PDZD4: variants seen among roughly 807,000 people sequenced by gnomAD.
PDZD4 encodes PDZ domain containing 4.
PDZD4 carries 9 observed loss-of-function variants against 38.5 expected under a neutral mutation model. That is an observed-to-expected ratio of 0.23 (90% CI 0.14 to 0.41). The LOEUF is 0.41. PDZD4 is among the 10% of genes least tolerant of loss of function. PDZD4 has a pLI of 1.00. For missense variants in PDZD4, 612 were observed against 722.0 expected (o/e 0.85, Z 1.75); for synonymous variants, 349 against 315.7 (o/e 1.11, Z -1.12).
intron 1 of PDZD4, among the ~76,000 whole-genome samples, chrX:153,823,830 C>G (rs1751260664): frequency 8.9e-6 from 1 of 112,752 alleles, no homozygotes; most frequent in South Asian, 3.6e-4. Flanking sequence ...GTGGGCCATG[C>G]AGCGACTTGC....
In PDZD4 at chrX:153,808,108, G is replaced by A. The variant is rs781915261; in HGVS notation, c.314+234C>T. The A allele has an allele frequency of 4.5e-4, 476 of 1,066,634 alleles. 2 individuals carry two copies. The highest frequency in any genetic ancestry group is 9.3e-5 in the Non-Finnish European group (77 of 827,362). The allele number at this position is 1,066,634 out of a possible 1,213,427, so 87.9% of individuals were successfully genotyped here. A position where few individuals can be genotyped will look rare whatever the true frequency, so the allele number is the denominator to read the frequency against. ...CCTCAACCCTGGCACTTCCGGCAGC[G>A]ACGTCCCGGACAGGAGGGTCCTCCC... is the stretch of plus-strand genomic sequence containing the variant. On this transcript the variant is annotated intron_variant, in intron 2 of 7. Transcript: ENST00000393758.
At chrX:153,810,428 G>A (rs1004735258) in intron 1 of PDZD4, among the ~76,000 whole-genome samples, 37 of 112,452 alleles carry the variant, frequency 3.3e-4, no homozygotes, top group African/African-American at 1.1e-3. Flanking sequence ...CTGGTTTGCA[G>A]TTGGAAGCAA....
chrX:153,817,720 C>A (rs955270320), intron 1 of PDZD4, among the ~76,000 whole-genome samples: 1 of 111,977 alleles, frequency 8.9e-6, no homozygotes, highest in Non-Finnish European at 1.9e-5. Flanking sequence ...CACACAGGAC[C>A]ACAAGGACCA....
At chrX:153,805,252 C>T in intron 6 of PDZD4, 45 bp from the exon 7 acceptor site, 1 of 1,077,697 alleles carries the variant, frequency 9.3e-7, no homozygotes, top group Non-Finnish European at 1.3e-6. Flanking sequence ...AAGGACCTCC[C>T]CATATACCCT....
At chrX:153,805,325 C>A in intron 6 of PDZD4, 118 bp from the exon 7 acceptor site, 1 of 744,443 alleles carries the variant, frequency 1.3e-6, no homozygotes, top group Non-Finnish European at 2.0e-6. Context: ...CTGGGGGCAG[C>A]GTCCCAGCCC....
intron 1 of PDZD4, among the ~76,000 whole-genome samples, chrX:153,817,522 T>G (rs781996219): frequency 9.0e-6 from 1 of 111,322 alleles, no homozygotes; most frequent in Non-Finnish European, 1.9e-5. Context: ...AGACGAATGG[T>G]TGCCAGGACC....
intron 1 of PDZD4, among the ~76,000 whole-genome samples, chrX:153,827,757 G>C (rs1306041820): frequency 9.0e-6 from 1 of 111,609 alleles, no homozygotes; most frequent in Non-Finnish European, 1.9e-5. Context: ...TGATGAAAAC[G>C]TTCTGGAATT....
At chrX:153,809,541 C>T (rs1220110744) in intron 1 of PDZD4, among the ~76,000 whole-genome samples, 7 of 112,389 alleles carry the variant, frequency 6.2e-5, no homozygotes, top group African/African-American at 1.9e-4. Context: ...GAGCCGAGAT[C>T]GCACCACTGT....
At chrX:153,805,260 C>A in intron 6 of PDZD4, 53 bp from the exon 7 acceptor site, 2 of 1,047,802 alleles carry the variant, frequency 1.9e-6, no homozygotes, top group Non-Finnish European at 2.7e-6. Context: ...CCCCATATAC[C>A]CTTCTTGTCT....
rs782409938 is a variant in PDZD4, at chrX:153,808,466, C to G, written c.190G>C (p.Asp64His). ...GTGCCACTGTCCACCAGCTGCAGGTCGTGACAGGAGCTGTCCCCCCGGAGG... is the reference window on the plus strand; with the variant it reads ...GTGCCACTGTCCACCAGCTGCAGGTGGTGACAGGAGCTGTCCCCCCGGAGG... ...PRLRGDSSCH[D>H]LQLVDSGTQT... The change falls in exon 2 of 8, where the codon GAC becomes CAC. Residue 64 changes from aspartate (D) to histidine (H), a missense_variant. Coordinates refer to ENST00000393758, the MANE Select transcript of PDZD4 (RefSeq NM_001303512.2). 8.3e-7 allele frequency: 1 copy of G among 1,211,486 alleles called. No individual in the cohort carries two copies. Among genetic ancestry groups the G allele is most frequent in the East Asian group, 3.0e-5 (1 of 33,836 alleles).
At chrX:153,816,458 G>A (rs1241582022) in intron 1 of PDZD4, among the ~76,000 whole-genome samples, 5 of 109,278 alleles carry the variant, frequency 4.6e-5, no homozygotes, top group Non-Finnish European at 9.6e-5. Flanking sequence ...CTCCCGGGCA[G>A]GCTGGAGATG....
intron 5 of PDZD4, 80 bp from the exon 6 acceptor site, chrX:153,805,686 G>A (rs2064241193): frequency 1.3e-6 from 1 of 783,569 alleles, no homozygotes; most frequent in Non-Finnish European, 1.9e-6. Flanking sequence ...GGGAGCCCAA[G>A]CACTCTGGGC....
chrX:153,804,423 G>C lies in PDZD4; in HGVS notation c.1258C>G (p.Arg420Gly), dbSNP rs782789770. 8.3e-7 allele frequency: 1 copy of C among 1,209,896 alleles called. No individual in the cohort carries two copies. Among genetic ancestry groups the C allele is most frequent in the Admixed American group, 2.2e-5 (1 of 46,114 alleles). The change falls in exon 8 of 8, where the codon CGC (arginine) becomes GGC (glycine). Residue 420 changes from arginine (R) to glycine (G), a missense_variant. Coordinates refer to ENST00000393758, the MANE Select transcript of PDZD4 (RefSeq NM_001303512.2). Reference protein sequence around the residue: ...EELRHLEFKCRNILRAQKMQQ... With the variant: ...EELRHLEFKCGNILRAQKMQQ... The stretch of plus-strand genomic sequence containing the variant: ...ATCTTCTGCGCCCGCAGTATGTTGC[G>C]GCACTTGAATTCCAGGTGCCTTAGC...
chrX:153,808,526 G>A lies in PDZD4; in HGVS notation c.130C>T (p.Pro44Ser), dbSNP rs1557078022. The A allele has an allele frequency of 8.3e-7, 1 of 1,208,506 alleles. No homozygotes were observed. The change falls in exon 2 of 8, where the codon CCC becomes TCC. Residue 44 changes from proline to serine, a missense_variant. Physicochemically the swap from Pro to Ser is moderately conservative, Grantham distance 74. This residue lies in a region of PDZD4 where 225 missense variants were observed against 311.0 expected (regional missense o/e 0.72). Coordinates refer to ENST00000393758, the MANE Select transcript of PDZD4 (RefSeq NM_001303512.2). ...TLQALRSSKEPLVIQVLRRSP... is the reference protein window; with the variant it reads ...TLQALRSSKESLVIQVLRRSP... ...CGTCTCAGCACCTGGATCACCAGGG[G>A]CTCCTTGGAGGAGCGCAGGGCCTGC... is the stretch of plus-strand genomic sequence containing the variant.
intron 4 of PDZD4, 151 bp downstream of exon 4, chrX:153,806,591 G>A (rs2064252035): frequency 2.0e-6 from 1 of 495,615 alleles, no homozygotes; most frequent in Non-Finnish European, 3.5e-6. Flanking sequence ...TCACTGGACA[G>A]TGGCTGAAGC....
chrX:153,823,958 T>C (rs2064454413), intron 1 of PDZD4, among the ~76,000 whole-genome samples: 1 of 112,261 alleles, frequency 8.9e-6, no homozygotes, highest in African/African-American at 3.2e-5. Context: ...CTCCCCAGGA[T>C]GCGTGCATGT....
At position 153,804,063 on chromosome X, in the gene PDZD4, G is replaced by A. The variant is rs892206256; in HGVS notation, c.1618C>T (p.Pro540Ser). The change falls in exon 8 of 8, where the codon CCT becomes TCT. Residue 540 changes from proline (P) to serine (S), a missense_variant. Pro to Ser is a moderately conservative substitution (Grantham distance 74, BLOSUM62 -1). Transcript: ENST00000393758. ...GCGTGCTGCCTCCGGCCGGCCTCAG[G>A]ATCCCGGGAGAGGGACCGGAACTTG... ...PAKFRSLSRDPEAGRRQHAEE... is the reference protein window; with the variant it reads ...PAKFRSLSRDSEAGRRQHAEE... The A allele has an allele frequency of 2.6e-6, 3 of 1,158,728 alleles. No individual in the cohort carries two copies. The highest frequency in any genetic ancestry group is 2.6e-5 in the Admixed American group (1 of 38,555).
chrX:153,812,540 C>T (rs2064319891), intron 1 of PDZD4, among the ~76,000 whole-genome samples: 1 of 110,922 alleles, frequency 9.0e-6, no homozygotes, highest in South Asian at 3.8e-4. Context: ...TCAGCAGCAA[C>T]CAGAGTGATC....
intron 1 of PDZD4, among the ~76,000 whole-genome samples, chrX:153,827,456 C>A (rs1214397444): frequency 8.9e-6 from 1 of 111,987 alleles, no homozygotes; most frequent in Non-Finnish European, 1.9e-5. Flanking sequence ...TCACAACAGC[C>A]CAAGGGTGGA....
Sources: gnomAD v4.1 joint callset for allele counts (sites outside exome capture counted in the v4.1 genomes callset) on GRCh38, gnomAD v4.1.1 for gene constraint, gnomAD v4.1.1 regional missense constraint, MANE v1.5 for transcripts, NCBI Gene and HGNC (gene_info 2026-07-23, HGNC 2026-07-21) for gene names.